The following SRSF6 variants were observed in gnomAD, a reference collection of about 807,000 sequenced individuals.
SRSF6 encodes the protein serine/arginine-rich splicing factor 6.
SRSF6 carries 17 observed loss-of-function variants against 42.0 expected under a neutral mutation model. The observed-to-expected ratio is 0.40, with a 90% CI of 0.28 to 0.61. SRSF6 has a LOEUF of 0.61. SRSF6 is among the 20% of genes least tolerant of loss of function. The pLI, the probability that SRSF6 is intolerant of heterozygous loss-of-function variation, is 0.37. For missense variants in SRSF6, 379 were observed against 471.4 expected (o/e 0.80, Z 1.81); for synonymous variants, 204 against 166.7 (o/e 1.22, Z -1.72).
At position 43,457,908 on chromosome 20, in the gene SRSF6, G is replaced by C. The variant is rs952708614; in HGVS notation, c.-126G>C. Reference sequence around the variant, plus strand: ...GCGCGCGCGCGCCATTGTGTGGCTGGACTCGGCCGCCCCTGTGGTGTGAGG... The same window carrying C: ...GCGCGCGCGCGCCATTGTGTGGCTGCACTCGGCCGCCCCTGTGGTGTGAGG... On this transcript the variant is annotated 5_prime_UTR_variant, in exon 1 of 6. Coordinates refer to ENST00000244020, the MANE Select transcript of SRSF6 (RefSeq NM_006275.6). 1.5e-5 allele frequency: 11 copies of C among 717,388 alleles called. No homozygotes were observed. The highest frequency in any genetic ancestry group is 1.1e-4 in the African/African-American group (6 of 53,270). 44.4% of individuals were successfully genotyped at this position (717,388 alleles called of 1,614,324 possible).
chr20:43,458,522 CCCGCGCGCT>C lies in SRSF6; in HGVS notation c.256+20_256+28del, dbSNP rs2017536519. ...TACGGAAGCCGCAGTGAGTCCCACC[CCCGCGCGCT>C]CCGCGCCCTTGGGGACCCTGGGGGC... On this transcript the variant is annotated intron_variant, in intron 2 of 5. Coordinates refer to ENST00000244020, the MANE Select transcript of SRSF6 (RefSeq NM_006275.6). The C allele has an allele frequency of 6.7e-7, 1 of 1,483,922 alleles. No individual in the cohort carries two copies. Among genetic ancestry groups the C allele is most frequent in the African/African-American group, 1.5e-5 (1 of 68,088 alleles). 91.9% of individuals were successfully genotyped at this position (1,483,922 alleles called of 1,614,324 possible). A position where few individuals can be genotyped will look rare whatever the true frequency, so the allele number is the denominator to read the frequency against.
In SRSF6 at chr20:43,457,987, G is replaced by A. The variant is rs763311505; in HGVS notation, c.-47G>A. On this transcript the variant is annotated 5_prime_UTR_variant, in exon 1 of 6. Transcript: ENST00000244020. Reference sequence around the variant, plus strand: ...ACCCGCACCGCGGTTACTGGCTTGCGGTCCGCCGTTCGACAACCAGCCCTT... The same window carrying A: ...ACCCGCACCGCGGTTACTGGCTTGCAGTCCGCCGTTCGACAACCAGCCCTT... 9.2e-6 allele frequency: 14 copies of A among 1,514,760 alleles called. No homozygotes were observed. The South Asian group carries it at 1.5e-4, about 16-fold the overall frequency. 93.8% of individuals were successfully genotyped at this position (1,514,760 alleles called of 1,614,324 possible). A position where few individuals can be genotyped will look rare whatever the true frequency, so the allele number is the denominator to read the frequency against.
Position 43,460,382 on chromosome 20 carries a change from G to A in SRSF6, c.591-133G>A, listed in dbSNP as rs1446851305. 7.3e-6 allele frequency: 9 copies of A among 1,239,078 alleles called. No individual in the cohort carries two copies. In the South Asian group the frequency reaches 1.1e-4, roughly 15 times the overall value. 76.8% of individuals were successfully genotyped at this position (1,239,078 alleles called of 1,614,324 possible). A position where few individuals can be genotyped will look rare whatever the true frequency, so the allele number is the denominator to read the frequency against. ...GCTGTGCATCATTGCGTTCTTTTCT[G>A]GATGTTTTGAACAGTGTATTTAATT... On this transcript the variant is annotated intron_variant, in intron 4 of 5. Transcript: ENST00000244020.
In SRSF6 at chr20:43,460,753, A is replaced by G. The variant is rs370021193; in HGVS notation, c.725A>G (p.Lys242Arg). Residue 242 changes from lysine (K) to arginine (R), a missense_variant, in exon 6 of 6, where the codon AAA becomes AGA. Physicochemically the swap from Lys to Arg is conservative, Grantham distance 26. This residue lies in a region of SRSF6 where 219 missense variants were observed against 216.1 expected (regional missense o/e 1.01). Transcript: ENST00000244020. ...TCACGTTCTCGATCAAAAGGCAGGA[A>G]ATCTAGATCAAAGAGCAAATCTAAG... The part of the protein sequence containing the change: ...GRSRSRSKGR[K>R]SRSKSKSKPK... The G allele has an allele frequency of 5.6e-5, 91 of 1,613,984 alleles. No individual in the cohort carries two copies. Among genetic ancestry groups the G allele is most frequent in the Non-Finnish European group, 6.8e-5 (80 of 1,179,954 alleles).
intron 2 of SRSF6, 26 bp downstream of exon 2, chr20:43,458,535 C>G: frequency 4.1e-6 from 6 of 1,475,434 alleles, no homozygotes; most frequent in Non-Finnish European, 5.3e-6. Context: ...GCGCGCTCCG[C>G]GCCCTTGGGG....
chr20:43,458,271 C>CG, intron 1 of SRSF6, 90 bp from the exon 2 acceptor site: 4 of 1,396,658 alleles, frequency 2.9e-6, no homozygotes, highest in South Asian at 1.6e-5. Flanking sequence ...CGCGGCGTCG[C>CG]GGGGGCGCGC....
In SRSF6 at chr20:43,457,912, C is replaced by G. The variant is rs540080388; in HGVS notation, c.-122C>G. ...GCGCGCGCCATTGTGTGGCTGGACT[C>G]GGCCGCCCCTGTGGTGTGAGGCGCG... On this transcript the variant is annotated 5_prime_UTR_variant, in exon 1 of 6. Coordinates refer to ENST00000244020, the MANE Select transcript of SRSF6 (RefSeq NM_006275.6). 5.0e-5 allele frequency: 38 copies of G among 756,046 alleles called. No individual in the cohort carries two copies. The highest frequency in any genetic ancestry group is 7.5e-5 in the Non-Finnish European group (35 of 469,330). 46.8% of individuals were successfully genotyped at this position (756,046 alleles called of 1,614,324 possible). A position where few individuals can be genotyped will look rare whatever the true frequency, so the allele number is the denominator to read the frequency against.
At position 43,463,064 on chromosome 20, in the gene SRSF6, A is replaced by G. The variant is rs1017998781; in HGVS notation, c.*2001A>G. 1 of 152,358 alleles carries G rather than the reference A, an allele frequency of 6.6e-6. No individual in the cohort carries two copies. Among genetic ancestry groups the G allele is most frequent in the Non-Finnish European group, 1.5e-5 (1 of 67,842 alleles). The allele number at this position is 152,358 out of a possible 1,614,324, so 9.4% of individuals were successfully genotyped here. A position where few individuals can be genotyped will look rare whatever the true frequency, so the allele number is the denominator to read the frequency against. On this transcript the variant is annotated 3_prime_UTR_variant, in exon 6 of 6. Coordinates refer to ENST00000244020, the MANE Select transcript of SRSF6 (RefSeq NM_006275.6). ...TTACAGTAAGAAATTAGGCTTTCTAAAAGTATGAAACATCCTTCAACTGGG... is the reference window on the plus strand; with the variant it reads ...TTACAGTAAGAAATTAGGCTTTCTAGAAGTATGAAACATCCTTCAACTGGG...
chr20:43,460,427 T>TA, intron 4 of SRSF6, 88 bp from the exon 5 acceptor site: 1 of 1,468,538 alleles, frequency 6.8e-7, no homozygotes, highest in East Asian at 2.3e-5. Context: ...AGAAAAACAT[T>TA]ATTCTTTGGC....
rs1239825013 is a variant in SRSF6 at position 43,460,233 on chromosome 20, C to T, written c.582C>T (p.Ser194=). ...RTSHRRSYSG[S]RSRSRSRRRS... ...GCCATAGGCGATCTTACTCTGGAAG[C>T]AGATCCAGGTAACTTGTTGAAGGAC... Residue 194 remains serine, a synonymous_variant, in exon 4 of 6, where the codon AGC becomes AGT. Coordinates refer to ENST00000244020, the MANE Select transcript of SRSF6 (RefSeq NM_006275.6). The T allele has an allele frequency of 6.2e-7, 1 of 1,614,028 alleles. No individual in the cohort carries two copies. The highest frequency in any genetic ancestry group is 8.5e-7 in the Non-Finnish European group (1 of 1,179,914).
chr20:43,460,195 A>G lies in SRSF6; in HGVS notation c.544A>G (p.Lys182Glu). The stretch of plus-strand genomic sequence containing the variant: ...CAGAAATATTAGGCTTATTGAAGAT[A>G]AGCCACGCACAAGCCATAGGCGATC... ...NGRNIRLIED[K>E]PRTSHRRSYS... Residue 182 changes from lysine to glutamate, a missense_variant, in exon 4 of 6, where the codon AAG (lysine) becomes GAG (glutamate). Physicochemically the swap from Lys to Glu is moderately conservative, Grantham distance 56. Transcript: ENST00000244020. The G allele has an allele frequency of 6.2e-7, 1 of 1,614,192 alleles. No individual in the cohort carries two copies.
In SRSF6 at chr20:43,463,432, G is replaced by C. The variant is rs564298616; in HGVS notation, c.*2369G>C. 2 of 154,536 alleles carry C rather than the reference G, an allele frequency of 1.3e-5. No individual in the cohort carries two copies. Among genetic ancestry groups the C allele is most frequent in the Admixed American group, 6.5e-5 (1 of 15,276 alleles). The allele number at this position is 154,536 out of a possible 1,614,324, so 9.6% of individuals were successfully genotyped here. On this transcript the variant is annotated 3_prime_UTR_variant, in exon 6 of 6. Coordinates refer to ENST00000244020, the MANE Select transcript of SRSF6 (RefSeq NM_006275.6). ...AGCAGAAAAGAAGTGAGAACATCTT[G>C]ATTCCCCTTTCTTTTACTTGATGGT...
At position 43,458,104 on chromosome 20, in the gene SRSF6, G is replaced by A. The variant is rs1483956248; in HGVS notation, c.71G>A (p.Gly24Asp). Residue 24 changes from glycine (G) to aspartate (D), a missense_variant, in exon 1 of 6, where the codon GGC becomes GAC. Physicochemically the swap from Gly to Asp is moderately conservative, Grantham distance 94 (BLOSUM62 -1). This residue lies in a region of SRSF6 where 117 missense variants were observed against 146.8 expected (regional missense o/e 0.80). Coordinates refer to ENST00000244020, the MANE Select transcript of SRSF6 (RefSeq NM_006275.6). ...AAGGACATCCAGCGCTTTTTCAGTG[G>A]CTATGGCCGCCTCCTCGAAGTAGAC... ...REKDIQRFFSGYGRLLEVDLK... is the reference protein window; with the variant it reads ...REKDIQRFFSDYGRLLEVDLK... The A allele has an allele frequency of 3.1e-6, 5 of 1,613,392 alleles. No individual in the cohort carries two copies. The highest frequency in any genetic ancestry group is 1.3e-5 in the African/African-American group (1 of 74,844).
rs2017563848 is a variant in SRSF6 at position 43,460,337 on chromosome 20, C to T, written c.590+96C>T. 9.7e-6 allele frequency: 14 copies of T among 1,446,040 alleles called. No individual in the cohort carries two copies. In the South Asian group the frequency reaches 1.7e-4, roughly 18 times the overall value. The allele number at this position is 1,446,040 out of a possible 1,614,324, so 89.6% of individuals were successfully genotyped here. A position where few individuals can be genotyped will look rare whatever the true frequency, so the allele number is the denominator to read the frequency against. ...CAATTGTTGCCTACTTGAATTAAAG[C>T]CAGCTTTTAGTTTGTTTTGGCTGTG... On this transcript the variant is annotated intron_variant, in intron 4 of 5. Coordinates refer to ENST00000244020, the MANE Select transcript of SRSF6 (RefSeq NM_006275.6).
In SRSF6 at chr20:43,458,464, CG is replaced by C; in HGVS notation, c.215del (p.Gly72AlafsTer43). On this transcript the variant is annotated frameshift_variant, in exon 2 of 6. Transcript: ENST00000244020. LOFTEE classifies it high-confidence loss of function. The stretch of plus-strand genomic sequence containing the variant: ...CGAGCGCGTGATCGTAGAGCACGCC[CG>C]GGGCCCGCGTCGCGATCGCGACGGC... ...CGERVIVEHARGPRRDRDGYS... is the reference protein window; with the variant it reads ...CGERVIVEHAXGPRRDRDGYS... The C allele has an allele frequency of 2.0e-6, 3 of 1,518,148 alleles. No homozygotes were observed. Among genetic ancestry groups the C allele is most frequent in the Admixed American group, 2.1e-5 (1 of 48,392 alleles). 94.0% of individuals were successfully genotyped at this position (1,518,148 alleles called of 1,614,324 possible).
At chr20:43,459,687 G>A in intron 2 of SRSF6, 84 bp from the exon 3 acceptor site, 2 of 1,594,544 alleles carry the variant, frequency 1.3e-6, no homozygotes, top group Non-Finnish European at 1.7e-6. Flanking sequence ...GTAAATAAAA[G>A]TTGATATGTT....
Position 43,458,350 on chromosome 20 carries a change from A to G in SRSF6, c.108-11A>G, listed in dbSNP as rs1416728711. On this transcript the variant is annotated splice_polypyrimidine_tract_variant and intron_variant, in intron 1 of 5. Coordinates refer to ENST00000244020, the MANE Select transcript of SRSF6 (RefSeq NM_006275.6). ...TCCCCCGCGGTTGTCCGGCCCTCGC[A>G]CCGCCCCTAGGTACGGCTTCGTGGA... 3 of 1,536,786 alleles carry G rather than the reference A, an allele frequency of 2.0e-6. No homozygotes were observed. The highest frequency in any genetic ancestry group is 8.7e-7 in the Non-Finnish European group (1 of 1,144,506).
rs770022409 is a variant in SRSF6 at position 43,460,738 on chromosome 20, G to C, written c.710G>C (p.Arg237Pro). The C allele has an allele frequency of 3.1e-6, 5 of 1,613,718 alleles. No individual in the cohort carries two copies. Among genetic ancestry groups the C allele is most frequent in the Non-Finnish European group, 4.2e-6 (5 of 1,179,878 alleles). ...CGGAGCAAAGGTCGATCACGTTCTC[G>C]ATCAAAAGGCAGGAAATCTAGATCA... is the stretch of plus-strand genomic sequence containing the variant. ...RSRSKGRSRS[R>P]SKGRKSRSKS... Residue 237 changes from arginine (R) to proline (P), a missense_variant, in exon 6 of 6, where the codon CGA (arginine) becomes CCA (proline). Arg to Pro is a moderately radical substitution (Grantham distance 103). Transcript: ENST00000244020.
rs1282682333 is a variant in SRSF6, at chr20:43,458,478, C to G, written c.225C>G (p.Arg75=). The change falls in exon 2 of 6, where the codon CGC becomes CGG. Residue 75 remains arginine (R), a synonymous_variant. Coordinates refer to ENST00000244020, the MANE Select transcript of SRSF6 (RefSeq NM_006275.6). The part of the protein sequence containing the change: ...VIVEHARGPR[R]DRDGYSYGSR... Reference sequence around the variant, plus strand: ...TAGAGCACGCCCGGGGCCCGCGTCGCGATCGCGACGGCTACAGCTACGGAA... The same window carrying G: ...TAGAGCACGCCCGGGGCCCGCGTCGGGATCGCGACGGCTACAGCTACGGAA... The G allele has an allele frequency of 6.6e-7, 1 of 1,512,558 alleles. No individual in the cohort carries two copies. Among genetic ancestry groups the G allele is most frequent in the Non-Finnish European group, 8.8e-7 (1 of 1,135,626 alleles). The allele number at this position is 1,512,558 out of a possible 1,614,324, so 93.7% of individuals were successfully genotyped here.
Sources: gnomAD v4.1 joint callset for allele counts on GRCh38, gnomAD v4.1.1 for gene constraint, gnomAD v4.1.1 regional missense constraint, MANE v1.5 for transcripts, NCBI Gene and HGNC (gene_info 2026-07-23, HGNC 2026-07-21) for gene names.